The following RARB variants were observed in gnomAD, a reference collection of about 807,000 sequenced individuals.
RARB encodes retinoic acid receptor beta, also known as HBV-activated protein.
Under a neutral mutation model 51.9 loss-of-function variants are expected in RARB, and 17 were observed. The ratio of observed to expected loss-of-function variants is 0.33; its 90% CI spans 0.22 to 0.49. The LOEUF (loss-of-function observed/expected upper bound fraction) is 0.49. RARB is among the 20% of genes least tolerant of loss of function. The pLI, the probability that RARB is intolerant of heterozygous loss-of-function variation, is 0.99. For missense variants in RARB, 369 were observed against 550.8 expected (o/e 0.67, Z 3.30); for synonymous variants, 215 against 195.4 (o/e 1.10, Z -0.84).
intron 5 of RARB, among the ~76,000 whole-genome samples, chr3:25,332,824 A>C (rs1451622620): frequency 6.6e-6 from 1 of 152,234 alleles, no homozygotes; most frequent in Non-Finnish European, 1.5e-5. Flanking sequence ...CAACTTCAGC[A>C]AAGTCTCAGG....
At chr3:25,291,562 A>G (rs996618132) in intron 5 of RARB, among the ~76,000 whole-genome samples, 3 of 150,448 alleles carry the variant, frequency 2.0e-5, no homozygotes, top group Non-Finnish European at 4.4e-5. Flanking sequence ...ACTAAGAAAA[A>G]CCTCTGAGAT....
At chr3:25,319,174 T>C (rs1704499293) in intron 5 of RARB, among the ~76,000 whole-genome samples, 2 of 152,164 alleles carry the variant, frequency 1.3e-5, no homozygotes, top group African/African-American at 4.8e-5. Flanking sequence ...ATCCTCCGAA[T>C]AGTTGGGGGA....
chr3:25,386,002 C>T (rs1706783715), intron 5 of RARB, among the ~76,000 whole-genome samples: 1 of 152,180 alleles, frequency 6.6e-6, no homozygotes, highest in Non-Finnish European at 1.5e-5. Flanking sequence ...AGTCCGTGAG[C>T]TTACCCAGGA....
At chr3:25,521,534 G>A (rs913178985) in intron 3 of RARB, among the ~76,000 whole-genome samples, 1 of 152,192 alleles carries the variant, frequency 6.6e-6, no homozygotes, top group Admixed American at 6.5e-5. Context: ...CTTTGGTTCT[G>A]CTGGCCTGTA....
intron 5 of RARB, among the ~76,000 whole-genome samples, chr3:25,269,996 G>T (rs1002082701): frequency 6.6e-6 from 1 of 152,040 alleles, no homozygotes; most frequent in African/African-American, 2.4e-5. Context: ...TTATTTGGGG[G>T]GCAAAAAGAA....
intron 5 of RARB, among the ~76,000 whole-genome samples, chr3:25,219,606 G>A (rs536552950): frequency 2.0e-5 from 3 of 152,222 alleles, no homozygotes; most frequent in East Asian, 1.9e-4. Flanking sequence ...CTTGCTGAAG[G>A]GCCGCATGCT....
chr3:24,877,720 G>C (rs1023687941), intron 2 of RARB, among the ~76,000 whole-genome samples: 7 of 152,064 alleles, frequency 4.6e-5, no homozygotes, highest in African/African-American at 1.7e-4. Flanking sequence ...TCTCAGAAGG[G>C]AGATCAGAGG....
chr3:25,505,310 G>A (rs575709631), intron 3 of RARB, among the ~76,000 whole-genome samples: 14 of 152,102 alleles, frequency 9.2e-5, no homozygotes, highest in South Asian at 2.1e-4. Flanking sequence ...TATATACTGC[G>A]TGCCATAGGA....
At chr3:25,251,060 T>C (rs1349302474) in intron 5 of RARB, among the ~76,000 whole-genome samples, 1 of 152,120 alleles carries the variant, frequency 6.6e-6, no homozygotes, top group African/African-American at 2.4e-5. Flanking sequence ...GGTGTTCCAT[T>C]GTCTGCTTGC....
chr3:25,487,849 T>A (rs958903531), intron 2 of RARB, among the ~76,000 whole-genome samples: 6 of 152,232 alleles, frequency 3.9e-5, no homozygotes, highest in Admixed American at 3.9e-4. Context: ...ATGTGCCTCT[T>A]GTAGCCATCT....
chr3:25,494,253 G>GCACGCGCGCACACTCACACACACACACA (rs1553623182), intron 2 of RARB, among the ~76,000 whole-genome samples: 1 of 131,852 alleles, frequency 7.6e-6, no homozygotes, highest in South Asian at 2.3e-4. Context: ...TGTATCTTAC[G>GCACGCGCGCACACTCACACACACACACA]CACACACACA....
At chr3:25,297,193 C>G (rs1450621939) in intron 5 of RARB, among the ~76,000 whole-genome samples, 1 of 151,998 alleles carries the variant, frequency 6.6e-6, no homozygotes, top group Admixed American at 6.6e-5. Flanking sequence ...GGATTAATTG[C>G]TTTCATCATA....
At chr3:24,992,243 A>T (rs1052609833) in intron 2 of RARB, among the ~76,000 whole-genome samples, 1 of 152,206 alleles carries the variant, frequency 6.6e-6, no homozygotes, top group African/African-American at 2.4e-5. Context: ...CTGGATTTTT[A>T]AAAATATTTA....
chr3:25,436,392 G>A (rs982735109), intron 1 of RARB, among the ~76,000 whole-genome samples: 2 of 152,198 alleles, frequency 1.3e-5, no homozygotes, highest in African/African-American at 4.8e-5. Flanking sequence ...AATCCATGGA[G>A]TTCTGGAACT....
At chr3:25,489,572 G>T (rs35594400) in intron 2 of RARB, among the ~76,000 whole-genome samples, 70,775 of 152,134 alleles carry the variant, frequency 0.47, 18,243 homozygotes, top group South Asian at 0.64. Context: ...AAAGGACTCC[G>T]GTTTCAAAGA....
chr3:25,450,831 A>G (rs148723030), intron 1 of RARB, among the ~76,000 whole-genome samples: 10,209 of 152,260 alleles, frequency 0.067, 420 homozygotes, highest in Middle Eastern at 0.12. Context: ...CACGCCTGTA[A>G]TCTCAGCACT....
chr3:25,494,381 C>T (rs1356684098), intron 2 of RARB, among the ~76,000 whole-genome samples: 1 of 152,122 alleles, frequency 6.6e-6, no homozygotes, highest in Non-Finnish European at 1.5e-5. Context: ...GGGGGAAAGC[C>T]TGCCTTTCCA....
At chr3:25,095,026 A>G (rs2125318580) in intron 3 of RARB, among the ~76,000 whole-genome samples, 2 of 152,214 alleles carry the variant, frequency 1.3e-5, no homozygotes, top group East Asian at 3.9e-4. Context: ...TCTCAAGGTC[A>G]CAGTTAAGTA....
chr3:25,329,145 C>T (rs570121809), intron 5 of RARB, among the ~76,000 whole-genome samples: 4 of 152,300 alleles, frequency 2.6e-5, no homozygotes, highest in East Asian at 1.9e-4. Flanking sequence ...CAGACTTAAA[C>T]GTCCCTGTCT....
Sources: gnomAD v4.1 joint callset for allele counts (sites outside exome capture counted in the v4.1 genomes callset) on GRCh38, gnomAD v4.1.1 for gene constraint, MANE v1.5 for transcripts, NCBI Gene and HGNC (gene_info 2026-07-23, HGNC 2026-07-21) for gene names.